PRKD3: variants seen among roughly 807,000 people sequenced by gnomAD.
PRKD3 encodes the protein serine/threonine-protein kinase D3.
In PRKD3, 47 loss-of-function variants were observed where a neutral mutation model predicts 99.2. The ratio of observed to expected loss-of-function variants is 0.47; its 90% CI spans 0.38 to 0.60. The LOEUF (loss-of-function observed/expected upper bound fraction) is 0.60, where lower values mean the gene tolerates loss of function less well. PRKD3 is among the 20% of genes least tolerant of loss of function. The pLI, the probability that PRKD3 is intolerant of heterozygous loss-of-function variation, is 0.00. For missense variants in PRKD3, 1,019 were observed against 1,088.4 expected, an observed-to-expected ratio of 0.94 and a Z score of 0.90; for synonymous variants, 392 against 355.4, an observed-to-expected ratio of 1.10 and a Z score of -1.16.
chr2:37,320,711 C>T (rs935307254), intron 1 of PRKD3, among the ~76,000 whole-genome samples: 1 of 152,044 alleles, frequency 6.6e-6, no homozygotes, highest in African/African-American at 2.4e-5. Flanking sequence ...GGATTACAGG[C>T]GTGAGCCACT....
At chr2:37,312,038 A>G (rs986638132) in intron 2 of PRKD3, among the ~76,000 whole-genome samples, 1 of 152,222 alleles carries the variant, frequency 6.6e-6, no homozygotes, top group Non-Finnish European at 1.5e-5. Flanking sequence ...CCTATTGTAA[A>G]AGATTTTTTA....
Position 37,279,726 on chromosome 2 carries a change from GTAATATGTA to G in PRKD3, c.1172+11_1172+19del. On this transcript the variant is annotated intron_variant, in intron 8 of 18. Transcript: ENST00000234179. ...CTGACCTTGCATCTGGAAGTAGCTT[GTAATATGTA>G]TATATATTACCTGATTGTTTTAACG... 1.3e-6 allele frequency: 2 copies of G among 1,572,618 alleles called. No homozygotes were observed. Among genetic ancestry groups the G allele is most frequent in the East Asian group, 4.6e-5 (2 of 43,500 alleles).
intron 16 of PRKD3, among the ~76,000 whole-genome samples, chr2:37,257,527 G>A (rs1668054527): frequency 6.6e-6 from 1 of 151,944 alleles, no homozygotes; most frequent in Admixed American, 6.6e-5. Flanking sequence ...TTAGCCTGGC[G>A]TGGTGGCGGG....
At chr2:37,316,183 T>C (rs1216595104) in intron 2 of PRKD3, 54 bp downstream of exon 2, 23 of 1,488,372 alleles carry the variant, frequency 1.5e-5, no homozygotes, top group Admixed American at 3.6e-5. Flanking sequence ...GTATAATTTA[T>C]AGAAAAACAT....
intron 9 of PRKD3, among the ~76,000 whole-genome samples, chr2:37,276,945 T>C (rs1301625436): frequency 6.6e-6 from 1 of 151,960 alleles, no homozygotes; most frequent in Non-Finnish European, 1.5e-5. Flanking sequence ...GCACCTTTGA[T>C]ATACCATTAA....
At position 37,251,976 on chromosome 2, in the gene PRKD3, A is replaced by G. The variant is rs1361970237; in HGVS notation, c.*1201T>C. On this transcript the variant is annotated 3_prime_UTR_variant, in exon 19 of 19. Coordinates refer to ENST00000234179, the MANE Select transcript of PRKD3 (RefSeq NM_005813.6). ...TCCCACATCTTAAACTTTGGGGAAG[A>G]TATTTAAAAATATTTTTTAAATAGC... 2 of 152,198 alleles carry G rather than the reference A, an allele frequency of 1.3e-5. No homozygotes were observed. The highest frequency in any genetic ancestry group is 4.8e-5 in the African/African-American group (2 of 41,440). 9.4% of individuals were successfully genotyped at this position (152,198 alleles called of 1,614,324 possible).
chr2:37,274,014 A>C (rs1459205478), intron 11 of PRKD3, among the ~76,000 whole-genome samples: 1 of 152,224 alleles, frequency 6.6e-6, no homozygotes, highest in African/African-American at 2.4e-5. Flanking sequence ...ACTATAAAGC[A>C]AAATATTAAT....
In PRKD3 at chr2:37,250,959, C is replaced by CTTCT. The variant is rs1045562381; in HGVS notation, c.*2214_*2217dup. ...GTGCCTTTACAAAATTTTTAGAAAA[C>CTTCT]TTCTTAGGCATTTAACAACAAATAC... On this transcript the variant is annotated 3_prime_UTR_variant, in exon 19 of 19. Coordinates refer to ENST00000234179, the MANE Select transcript of PRKD3 (RefSeq NM_005813.6). 6.6e-6 allele frequency: 1 copy of CTTCT among 152,608 alleles called. No individual in the cohort carries two copies. The highest frequency in any genetic ancestry group is 1.5e-5 in the Non-Finnish European group (1 of 68,026). 9.5% of individuals were successfully genotyped at this position (152,608 alleles called of 1,614,324 possible).
At chr2:37,289,302 T>C (rs1286336392) in intron 5 of PRKD3, 54 bp downstream of exon 5, 27 of 1,578,314 alleles carry the variant, frequency 1.7e-5, no homozygotes, top group African/African-American at 4.1e-5. Flanking sequence ...ATACACCCTG[T>C]AGAAACACAG....
chr2:37,306,792 G>C (rs2300882), intron 2 of PRKD3, among the ~76,000 whole-genome samples: 1 of 152,334 alleles, frequency 6.6e-6, no homozygotes, highest in East Asian at 1.9e-4. Context: ...CTGGGTGACA[G>C]AGCAAGATCC....
At chr2:37,322,783 T>C (rs1280370125) in intron 1 of PRKD3, among the ~76,000 whole-genome samples, 2 of 152,166 alleles carry the variant, frequency 1.3e-5, no homozygotes, top group Non-Finnish European at 2.9e-5. Flanking sequence ...TATAGCAAGT[T>C]CGATCTGAAT....
At chr2:37,316,113 T>A in intron 2 of PRKD3, 124 bp downstream of exon 2, 1 of 1,053,240 alleles carries the variant, frequency 9.5e-7, no homozygotes, top group Non-Finnish European at 1.4e-6. Context: ...ATTAGAACTC[T>A]TCCAAAAATG....
intron 14 of PRKD3, among the ~76,000 whole-genome samples, chr2:37,265,836 G>A (rs1668801019): frequency 6.6e-6 from 1 of 152,114 alleles, no homozygotes; most frequent in African/African-American, 2.4e-5. Context: ...TTTTCATACT[G>A]TGCATTACCT....
intron 16 of PRKD3, among the ~76,000 whole-genome samples, chr2:37,257,592 G>A (rs943964411): frequency 6.9e-6 from 1 of 145,018 alleles, no homozygotes; most frequent in Non-Finnish European, 1.5e-5. Context: ...CGTGAACCCA[G>A]GAGGCAGAGC....
At chr2:37,313,355 A>G (rs1389530908) in intron 2 of PRKD3, among the ~76,000 whole-genome samples, 1 of 151,292 alleles carries the variant, frequency 6.6e-6, no homozygotes, top group South Asian at 2.1e-4. Context: ...AAAAAACTGT[A>G]AAGAGTATAA....
chr2:37,269,758 C>A, intron 12 of PRKD3, 71 bp from the exon 13 acceptor site: 3 of 1,053,586 alleles, frequency 2.8e-6, no homozygotes, highest in Non-Finnish European at 2.8e-6. Context: ...TGACTTTCTT[C>A]ATCCAAATAC....
chr2:37,282,143 C>T (rs1323089542), intron 7 of PRKD3, among the ~76,000 whole-genome samples: 1 of 152,162 alleles, frequency 6.6e-6, no homozygotes, highest in Non-Finnish European at 1.5e-5. Context: ...GTACCTACCT[C>T]AAAGGGTTGT....
At chr2:37,302,243 A>AT (rs1293347414) in intron 2 of PRKD3, among the ~76,000 whole-genome samples, 1 of 152,096 alleles carries the variant, frequency 6.6e-6, no homozygotes, top group Non-Finnish European at 1.5e-5. Flanking sequence ...CTGTTCCCCC[A>AT]TCCCCCGAGC....
chr2:37,293,095 G>A, intron 3 of PRKD3, 38 bp downstream of exon 3: 2 of 1,510,032 alleles, frequency 1.3e-6, no homozygotes, highest in African/African-American at 1.4e-5. Context: ...GGCTCTTTGA[G>A]GGGAAAAGGC....
Sources: gnomAD v4.1 joint callset for allele counts (sites outside exome capture counted in the v4.1 genomes callset) on GRCh38, gnomAD v4.1.1 for gene constraint, MANE v1.5 for transcripts, NCBI Gene and HGNC (gene_info 2026-07-23, HGNC 2026-07-21) for gene names.